The following NLRP13 variants were observed in gnomAD, a reference collection of about 807,000 sequenced individuals.
NLRP13 encodes NACHT, LRR and PYD domains-containing protein 13.
Under a neutral mutation model 94.4 loss-of-function variants are expected in NLRP13, and 82 were observed. The ratio of observed to expected loss-of-function variants is 0.87; its 90% CI spans 0.73 to 1.04. The LOEUF (loss-of-function observed/expected upper bound fraction) is 1.04. NLRP13 is among the 50% of genes least tolerant of loss of function. The probability of loss-of-function intolerance (pLI) is 0.00; values close to 1 mark genes in which losing one functional copy is unlikely to be tolerated. For synonymous variants in NLRP13, 553 were observed against 464.7 expected (o/e 1.19, Z -2.45); for missense variants, 1,426 against 1,230.8 (o/e 1.16, Z -2.37).
chr19:55,931,962 C>T, intron 1 of NLRP13, 31 bp downstream of exon 1: 1 of 1,602,036 alleles, frequency 6.2e-7, no homozygotes, highest in Non-Finnish European at 8.5e-7. Context: ...TACCAAGCAG[C>T]CCTCCCGCCT....
Position 55,898,772 on chromosome 19 carries a change from A to G in NLRP13, c.2955T>C (p.Leu985=). Residue 985 remains leucine (L), a splice_region_variant and synonymous_variant, in exon 10 of 11, where the codon CTT becomes CTC. Transcript: ENST00000342929. ...CAAGGAGAACAGCATCAACTCACCC[A>G]AGTGTGTGCAATGCACGATGTGGTT... ...ALKPHRALHT[L]GLAKCNLTTA... The G allele has an allele frequency of 6.2e-7, 1 of 1,603,752 alleles. No individual in the cohort carries two copies.
At chr19:55,913,968 C>G (rs750205506) in intron 4 of NLRP13, among the ~76,000 whole-genome samples, 1 of 152,190 alleles carries the variant, frequency 6.6e-6, no homozygotes, top group African/African-American at 2.4e-5. Context: ...GGGATTTGGG[C>G]AGGTCAGAGT....
At chr19:55,925,163 T>G (rs1986938073) in intron 1 of NLRP13, 128 bp from the exon 2 acceptor site, 5 of 810,818 alleles carry the variant, frequency 6.2e-6, no homozygotes, top group Non-Finnish European at 6.1e-6. Flanking sequence ...ATTCCTCCAG[T>G]TTTCTCAAGC....
downstream of NLRP13, chr19:55,892,080 T>C (rs1205234415): frequency 8.1e-7 from 1 of 1,230,372 alleles, no homozygotes; most frequent in Non-Finnish European, 1.0e-6. Context: ...CTGTGAGGTC[T>C]GTATCTCCTC....
At chr19:55,899,017 G>C in intron 9 of NLRP13, 80 bp from the exon 10 acceptor site, 2 of 1,441,840 alleles carry the variant, frequency 1.4e-6, no homozygotes, top group East Asian at 2.4e-5. Context: ...CCCATCTCAC[G>C]TCCAAGGAAA....
intron 6 of NLRP13, among the ~76,000 whole-genome samples, chr19:55,908,243 C>T (rs888085628): frequency 6.6e-6 from 1 of 152,130 alleles, no homozygotes; most frequent in Admixed American, 6.5e-5. Flanking sequence ...CCTGGGGCCA[C>T]CTATTCTTCT....
intron 4 of NLRP13, among the ~76,000 whole-genome samples, chr19:55,922,165 A>C (rs182677384): frequency 3.6e-4 from 55 of 152,172 alleles, no homozygotes; most frequent in African/African-American, 1.2e-3. Context: ...AGCGAGGGAA[A>C]GATCCACCCC....
intron 5 of NLRP13, 34 bp from the exon 6 acceptor site, chr19:55,910,767 C>A: frequency 6.5e-7 from 1 of 1,546,350 alleles, no homozygotes; most frequent in Non-Finnish European, 8.8e-7. Flanking sequence ...CGGATAAGAG[C>A]AAATTAGCCT....
intron 1 of NLRP13, among the ~76,000 whole-genome samples, chr19:55,925,524 G>A (rs1160683730): frequency 6.6e-6 from 1 of 152,178 alleles, no homozygotes; most frequent in East Asian, 1.9e-4. Flanking sequence ...CAAGTGTGTA[G>A]AACAGTACCC....
At chr19:55,913,323 G>T (rs1865956) in intron 4 of NLRP13, 30 bp from the exon 5 acceptor site, 133,271 of 1,589,120 alleles carry the variant, frequency 0.084, 6,559 homozygotes, top group Admixed American at 0.23. Flanking sequence ...GAGAAGAATG[G>T]TAAGAATAAA....
At chr19:55,894,357 T>C (rs1394218402), downstream of NLRP13, among the ~76,000 whole-genome samples, 1 of 152,158 alleles carries the variant, frequency 6.6e-6, no homozygotes, top group Non-Finnish European at 1.5e-5. Context: ...ACCTTTCTGA[T>C]TTCCTCTCAG....
intron 8 of NLRP13, among the ~76,000 whole-genome samples, chr19:55,904,306 CT>C (rs1986274307): frequency 6.6e-6 from 1 of 152,042 alleles, no homozygotes; most frequent in African/African-American, 2.4e-5. Context: ...TCAGGCTGGT[CT>C]CAAAATTCCT....
chr19:55,932,088 T>C lies in NLRP13; in HGVS notation c.224A>G (p.His75Arg), dbSNP rs376620573. The change falls in exon 1 of 11, where the codon CAC becomes CGC. Residue 75 changes from histidine to arginine, a missense_variant. His to Arg is a conservative substitution (Grantham distance 29, BLOSUM62 0). Transcript: ENST00000342929. Reference protein sequence around the residue: ...PLNLSFLLDEHFPKGQAWKVV... With the variant: ...PLNLSFLLDERFPKGQAWKVV... ...TTTCCATGCCTGACCTTTTGGGAAG[T>C]GTTCATCCAAAAGAAAGGACAGATT... 5.0e-6 allele frequency: 8 copies of C among 1,614,142 alleles called. No individual in the cohort carries two copies. Among genetic ancestry groups the C allele is most frequent in the South Asian group, 4.4e-5 (4 of 91,082 alleles).
chr19:55,912,843 C>G lies in NLRP13; in HGVS notation c.974G>C (p.Ser325Thr), dbSNP rs1227964693. The part of the protein sequence containing the change: ...EIIISESRSE[S>T]LDDGSPCTDW... ...TGTACATGGCGAGCCATCATCCAAG[C>G]TCTCAGAGCGTGACTCAGATATGAT... The change falls in exon 5 of 11, where the codon AGC becomes ACC. Residue 325 changes from serine (S) to threonine (T), a missense_variant. Transcript: ENST00000342929. The G allele has an allele frequency of 6.2e-7, 1 of 1,614,212 alleles. No individual in the cohort carries two copies. The highest frequency in any genetic ancestry group is 1.7e-5 in the Admixed American group (1 of 60,024).
chr19:55,929,139 G>C lies in NLRP13; in HGVS notation c.319+2854C>G, dbSNP rs150143340. 5.0e-3 allele frequency among the ~76,000 whole-genome samples: 765 copies of C among 152,302 alleles called. 4 individuals carry two copies. Among genetic ancestry groups the C allele is most frequent in the African/African-American group, 0.017 (699 of 41,568 alleles). The stretch of plus-strand genomic sequence containing the variant: ...AAAGTCAGGAAACAGATGCTGGAGA[G>C]GATGTGGAGAAATAGGAACACTTTT... On this transcript the variant is annotated intron_variant, in intron 1 of 10. Coordinates refer to ENST00000342929, the MANE Select transcript of NLRP13 (RefSeq NM_176810.2).
In NLRP13 at chr19:55,907,959, G is replaced by A. The variant is rs16986783; in HGVS notation, c.2283-3C>T. On this transcript the variant is annotated splice_polypyrimidine_tract_variant and splice_region_variant and intron_variant, in intron 6 of 10. Coordinates refer to ENST00000342929, the MANE Select transcript of NLRP13 (RefSeq NM_176810.2). ...ACTCAGGAGTTACCGATTTGCACCT[G>A]AGGAAGGGAAGGGACATGAAAGCTG... 13,317 of 1,591,764 alleles carry A rather than the reference G, an allele frequency of 8.4e-3. 1,080 individuals are homozygous for A. The Admixed American group carries it at 0.17, about 20-fold the overall frequency.
downstream of NLRP13, among the ~76,000 whole-genome samples, chr19:55,893,595 G>C (rs1452541288): frequency 6.6e-6 from 1 of 152,068 alleles, no homozygotes; most frequent in East Asian, 1.9e-4. Flanking sequence ...CCTTTCCATA[G>C]AGAAAAGGCA....
intron 9 of NLRP13, 148 bp downstream of exon 9, chr19:55,901,887 C>T: frequency 1.3e-6 from 1 of 792,920 alleles, no homozygotes; most frequent in South Asian, 1.9e-5. Context: ...CTTTCCCCAT[C>T]CCACACCCCC....
In NLRP13 at chr19:55,932,183, G is replaced by A. The variant is rs908229319; in HGVS notation, c.129C>T (p.Asp43=). The A allele has an allele frequency of 1.2e-6, 2 of 1,614,070 alleles. No individual in the cohort carries two copies. Among genetic ancestry groups the A allele is most frequent in the African/African-American group, 1.3e-5 (1 of 75,050 alleles). ...KLCLEPQQLM[D]FWSAPQGHFP... ...AGTGCCCCTGGGGGGCCGACCAGAA[G>A]TCCATCAGCTGCTGGGGTTCCAAGC... Residue 43 remains aspartate, a synonymous_variant, in exon 1 of 11, where the codon GAC becomes GAT. Transcript: ENST00000342929.
Sources: allele counts gnomAD v4.1 joint callset (sites outside exome capture counted in the v4.1 genomes callset), GRCh38; gene constraint gnomAD v4.1.1; transcripts MANE v1.5; gene names NCBI Gene and HGNC (gene_info 2026-07-23, HGNC 2026-07-21).